Variants in PIK3R4 observed in about 807,000 individuals in gnomAD.
The protein encoded by PIK3R4 is phosphoinositide-3-kinase regulatory subunit 4.
In PIK3R4, 46 loss-of-function variants were observed where a neutral mutation model predicts 136.5. The ratio of observed to expected loss-of-function variants is 0.34; its 90% confidence interval spans 0.27 to 0.43. The LOEUF is 0.43. Among genes scored for constraint, PIK3R4 ranks in the 20% least tolerant of loss-of-function variants. PIK3R4 has a pLI of 1.00. For synonymous variants in PIK3R4, 557 were observed against 566.7 expected (o/e 0.98, Z 0.24); for missense variants, 1,331 against 1,649.5 (o/e 0.81, Z 3.35).
chr3:130,714,727 C>T (rs370225143), intron 9 of PIK3R4, among the ~76,000 whole-genome samples: 2 of 151,914 alleles, frequency 1.3e-5, no homozygotes, highest in South Asian at 4.2e-4. Flanking sequence ...CCTGTGTTTG[C>T]TGAGGATGAT....
intron 16 of PIK3R4, among the ~76,000 whole-genome samples, chr3:130,683,298 CTGAA>C (rs2066470070): frequency 6.6e-6 from 1 of 152,064 alleles, no homozygotes; most frequent in African/African-American, 2.4e-5. Flanking sequence ...AGGTATGAGT[CTGAA>C]TAAATTTAGT....
chr3:130,701,467 G>A (rs542431466), intron 13 of PIK3R4, among the ~76,000 whole-genome samples: 8 of 151,388 alleles, frequency 5.3e-5, no homozygotes, highest in Middle Eastern at 3.4e-3. Context: ...AGCCAGGATC[G>A]TGCCACTGTA....
chr3:130,696,075 A>G (rs1394704237), intron 13 of PIK3R4, among the ~76,000 whole-genome samples: 2 of 152,118 alleles, frequency 1.3e-5, no homozygotes, highest in Non-Finnish European at 2.9e-5. Flanking sequence ...ACAATTGTTC[A>G]TGGTATTCCT....
At chr3:130,741,867 G>C in intron 2 of PIK3R4, among the ~76,000 whole-genome samples, 1 of 152,166 alleles carries the variant, frequency 6.6e-6, no homozygotes, top group Non-Finnish European at 1.5e-5. Context: ...AGCACACAAG[G>C]CTATGCCTAT....
chr3:130,680,421 T>C (rs1285392025), intron 19 of PIK3R4, 192 bp downstream of exon 19: 5 of 411,798 alleles, frequency 1.2e-5, no homozygotes, highest in East Asian at 4.3e-5. Context: ...CTATTACTTA[T>C]ATGCACTTTC....
chr3:130,733,874 A>T lies in PIK3R4; in HGVS notation c.1124T>A (p.Leu375Gln). 1 of 1,614,176 alleles carries T rather than the reference A, an allele frequency of 6.2e-7. No individual in the cohort carries two copies. Among genetic ancestry groups the T allele is most frequent in the Non-Finnish European group, 8.5e-7 (1 of 1,179,990 alleles). The change falls in exon 4 of 20, where the codon CTG (leucine) becomes CAG (glutamine). Residue 375 changes from leucine to glutamine, a missense_variant. This residue lies in a region of PIK3R4 where 1,180 missense variants were observed against 1,407.0 expected (regional missense o/e 0.84). Transcript: ENST00000356763. Reference protein sequence around the residue: ...KAEGEPKENGLVILVSVITSC... With the variant: ...KAEGEPKENGQVILVSVITSC... ...TGTTATAACAGATACCAAGATAACC[A>T]GCCCATTTTCCTTAGGCTCTCCTTC...
At chr3:130,716,935 C>A (rs1406461065) in intron 8 of PIK3R4, among the ~76,000 whole-genome samples, 1 of 152,214 alleles carries the variant, frequency 6.6e-6, no homozygotes, top group Non-Finnish European at 1.5e-5. Flanking sequence ...GTTCACAGGT[C>A]TGACAACCAG....
In PIK3R4 at chr3:130,681,060, A is replaced by C. The variant is rs778211634; in HGVS notation, c.3714T>G (p.Ser1238=). 1 of 1,552,680 alleles carries C rather than the reference A, an allele frequency of 6.4e-7. No individual in the cohort carries two copies. Among genetic ancestry groups the C allele is most frequent in the South Asian group, 1.1e-5 (1 of 89,826 alleles). ...SAPPLSELQP[S]PHSVHGIYCS... is the part of the protein sequence containing the mutation. ...AGTAGATACCATGGACGCTATGAGG[A>C]GAAGGCTTAAAAGAAATAGATGTGG... is the stretch of plus-strand genomic sequence containing the variant. Residue 1238 remains serine, a synonymous_variant, in exon 18 of 20, where the codon TCT becomes TCG. Coordinates refer to ENST00000356763, the MANE Select transcript of PIK3R4 (RefSeq NM_014602.3).
intron 9 of PIK3R4, among the ~76,000 whole-genome samples, chr3:130,709,425 A>G (rs2066622601): frequency 6.6e-6 from 1 of 152,138 alleles, no homozygotes; most frequent in African/African-American, 2.4e-5. Flanking sequence ...TTAGAGTCAT[A>G]TTCACAATTC....
At chr3:130,698,607 T>G (rs2066559368) in intron 13 of PIK3R4, among the ~76,000 whole-genome samples, 1 of 152,220 alleles carries the variant, frequency 6.6e-6, no homozygotes, top group Non-Finnish European at 1.5e-5. Context: ...CCTTTAAATA[T>G]TTAGACATGG....
intron 16 of PIK3R4, among the ~76,000 whole-genome samples, chr3:130,682,825 A>AACT (rs1187128528): frequency 6.6e-6 from 1 of 152,180 alleles, no homozygotes; most frequent in Admixed American, 6.6e-5. Context: ...TTAGAATTGT[A>AACT]GGTGATAAGG....
In PIK3R4 at chr3:130,707,163, T is replaced by C. The variant is rs367626960; in HGVS notation, c.2534-28A>G. The C allele has an allele frequency of 3.3e-5, 50 of 1,531,192 alleles. No homozygotes were observed. The Admixed American group carries it at 8.4e-4, about 26-fold the overall frequency. 94.9% of individuals were successfully genotyped at this position (1,531,192 alleles called of 1,614,324 possible). A position where few individuals can be genotyped will look rare whatever the true frequency, so the allele number is the denominator to read the frequency against. ...ATGAAAATATATTCAGAATAGTTAG[T>C]CTGAAGGTAGCCTTTAAAACCATTA... On this transcript the variant is annotated intron_variant, in intron 10 of 19. Coordinates refer to ENST00000356763, the MANE Select transcript of PIK3R4 (RefSeq NM_014602.3).
intron 4 of PIK3R4, among the ~76,000 whole-genome samples, chr3:130,733,185 T>C (rs2066767812): frequency 6.6e-6 from 1 of 152,222 alleles, no homozygotes; most frequent in Admixed American, 6.5e-5. Flanking sequence ...AATAGATTGT[T>C]GTATGCTAAA....
intron 9 of PIK3R4, among the ~76,000 whole-genome samples, chr3:130,712,207 C>T (rs891543457): frequency 2.6e-5 from 4 of 151,974 alleles, no homozygotes; most frequent in Admixed American, 6.6e-5. Flanking sequence ...AACAATGCTA[C>T]GCTGGTCTAG....
chr3:130,739,528 C>G (rs777692608), intron 2 of PIK3R4, among the ~76,000 whole-genome samples: 1 of 152,152 alleles, frequency 6.6e-6, no homozygotes, highest in South Asian at 2.1e-4. Context: ...TACACCACCA[C>G]GCCCAACTAA....
chr3:130,725,380 A>G (rs2066725829), intron 6 of PIK3R4, among the ~76,000 whole-genome samples: 1 of 151,954 alleles, frequency 6.6e-6, no homozygotes. Context: ...AACAAAAAAA[A>G]TGCTTAATAA....
At chr3:130,696,580 C>G (rs1431366118) in intron 13 of PIK3R4, among the ~76,000 whole-genome samples, 8 of 152,064 alleles carry the variant, frequency 5.3e-5, no homozygotes, top group Non-Finnish European at 1.2e-4. Flanking sequence ...TTACTGATAC[C>G]TAGTTTCATT....
rs537537032 is a variant in PIK3R4, at chr3:130,696,179, A to G, written c.3099-5525T>C. On this transcript the variant is annotated intron_variant, in intron 13 of 19. Coordinates refer to ENST00000356763, the MANE Select transcript of PIK3R4 (RefSeq NM_014602.3). ...TAACTTGAGTCCTCCCTTTTTATTG[A>G]TCACTATAGTAAAGGTGTGCCAATT... is the stretch of plus-strand genomic sequence containing the variant. Among the ~76,000 whole-genome samples, 14 of 151,236 alleles carry G rather than the reference A, an allele frequency of 9.3e-5. No homozygotes were observed. In the South Asian group the frequency reaches 1.9e-3, roughly 20 times the overall value.
At chr3:130,689,109 C>A (rs1174439798) in intron 14 of PIK3R4, among the ~76,000 whole-genome samples, 3 of 152,294 alleles carry the variant, frequency 2.0e-5, no homozygotes, top group South Asian at 2.1e-4. Context: ...CCAAAACAAT[C>A]AAAAACTTAT....
Sources: gnomAD v4.1 joint callset for allele counts (sites outside exome capture counted in the v4.1 genomes callset) on GRCh38, gnomAD v4.1.1 for gene constraint, gnomAD v4.1.1 regional missense constraint, MANE v1.5 for transcripts, NCBI Gene and HGNC (gene_info 2026-07-23, HGNC 2026-07-21) for gene names.